The following KCNH1 variants were observed in gnomAD, a reference collection of about 807,000 sequenced individuals.
KCNH1 encodes the protein potassium voltage-gated channel subfamily H member 1, also known as voltage-gated delayed rectifier potassium channel KCNH1.
A neutral mutation model predicts 69.2 loss-of-function variants in KCNH1; 27 were observed. That is an observed-to-expected ratio of 0.39 (90% CI 0.29 to 0.54). The LOEUF (loss-of-function observed/expected upper bound fraction) is 0.54, where lower values mean the gene tolerates loss of function less well. Among genes scored for constraint, KCNH1 ranks in the 20% least tolerant of loss-of-function variants. The pLI is 0.68. For synonymous variants in KCNH1, 456 were observed against 487.7 expected, an observed-to-expected ratio of 0.93 and a Z score of 0.86; for missense variants, 798 against 1,261.6, an observed-to-expected ratio of 0.63 and a Z score of 5.57.
intron 7 of KCNH1, among the ~76,000 whole-genome samples, chr1:210,818,343 A>G (rs1156545961): frequency 1.3e-5 from 2 of 152,160 alleles, no homozygotes; most frequent in Non-Finnish European, 2.9e-5. Context: ...ATTCACAAAG[A>G]TTTTAATCAG....
intron 10 of KCNH1, among the ~76,000 whole-genome samples, chr1:210,690,176 CTTTAACTCTTTCTTTCTTAG>C (rs1325705562): frequency 1.3e-5 from 2 of 152,194 alleles, no homozygotes; most frequent in African/African-American, 4.8e-5. Flanking sequence ...CTGCAACCAC[CTTTAACTCTTTCTTTCTTAG>C]ATCTGACAAA....
chr1:211,084,129 G>T (rs1278706568), intron 4 of KCNH1, among the ~76,000 whole-genome samples: 1 of 152,146 alleles, frequency 6.6e-6, no homozygotes, highest in Non-Finnish European at 1.5e-5. Flanking sequence ...TCACTGTGGG[G>T]GGGTCCCATT....
chr1:210,863,068 C>T (rs1310804661), intron 7 of KCNH1, among the ~76,000 whole-genome samples: 1 of 152,210 alleles, frequency 6.6e-6, no homozygotes, highest in African/African-American at 2.4e-5. Context: ...AGCCGCATCA[C>T]TTATCCCCTA....
At chr1:210,888,444 C>A (rs992961159) in intron 7 of KCNH1, among the ~76,000 whole-genome samples, 3 of 152,156 alleles carry the variant, frequency 2.0e-5, no homozygotes, top group African/African-American at 7.2e-5. Flanking sequence ...TAAACGCCCA[C>A]AGGAGAAAGC....
intron 10 of KCNH1, among the ~76,000 whole-genome samples, chr1:210,718,097 A>G (rs1390285163): frequency 6.6e-6 from 1 of 151,358 alleles, no homozygotes; most frequent in East Asian, 1.9e-4. Context: ...ACAGAGCAAG[A>G]CTCCATCTCA....
intron 7 of KCNH1, among the ~76,000 whole-genome samples, chr1:210,835,747 A>G (rs1244107658): frequency 2.0e-5 from 3 of 152,146 alleles, no homozygotes; most frequent in Non-Finnish European, 4.4e-5. Flanking sequence ...ATTTATTTAG[A>G]GGTAGGGATA....
intron 7 of KCNH1, among the ~76,000 whole-genome samples, chr1:210,896,141 C>T (rs1017160206): frequency 6.6e-6 from 1 of 152,064 alleles, no homozygotes; most frequent in Admixed American, 6.5e-5. Context: ...GGTATAGGAC[C>T]ATGCTCCCCC....
intron 1 of KCNH1, among the ~76,000 whole-genome samples, chr1:211,125,326 C>T (rs1319587512): frequency 6.6e-6 from 1 of 152,144 alleles, no homozygotes; most frequent in Non-Finnish European, 1.5e-5. Context: ...GGGAGGCAAA[C>T]AGAAACTATT....
intron 6 of KCNH1, among the ~76,000 whole-genome samples, chr1:211,007,243 G>C (rs1228401710): frequency 6.6e-6 from 1 of 152,158 alleles, no homozygotes; most frequent in East Asian, 1.9e-4. Flanking sequence ...GCTAAATATT[G>C]AATGATAACG....
At chr1:210,695,317 CATT>C (rs1337003561) in intron 10 of KCNH1, among the ~76,000 whole-genome samples, 2 of 152,178 alleles carry the variant, frequency 1.3e-5, no homozygotes, top group Non-Finnish European at 2.9e-5. Context: ...CTTGTGAGAG[CATT>C]ATTCCCAGTT....
chr1:210,735,277 C>A, intron 10 of KCNH1, among the ~76,000 whole-genome samples: 1 of 152,192 alleles, frequency 6.6e-6, no homozygotes, highest in African/African-American at 2.4e-5. Flanking sequence ...CATCACCTTT[C>A]TTCTTCTACT....
At chr1:210,982,121 T>G (rs907577667) in intron 6 of KCNH1, among the ~76,000 whole-genome samples, 2 of 152,070 alleles carry the variant, frequency 1.3e-5, no homozygotes, top group African/African-American at 4.8e-5. Flanking sequence ...AGTCAATTGC[T>G]CCTGACTCTT....
intron 10 of KCNH1, among the ~76,000 whole-genome samples, chr1:210,689,433 G>C (rs1377410722): frequency 6.6e-6 from 1 of 152,196 alleles, no homozygotes; most frequent in Non-Finnish European, 1.5e-5. Context: ...GAATGGACTT[G>C]CTGGTGTCCT....
chr1:210,834,080 G>T (rs894913392), intron 7 of KCNH1, among the ~76,000 whole-genome samples: 107 of 152,268 alleles, frequency 7.0e-4, no homozygotes, highest in African/African-American at 1.2e-3. Flanking sequence ...CTTTTACACT[G>T]TTGGTGGGAC....
chr1:210,780,220 G>A (rs1283029236), intron 9 of KCNH1, among the ~76,000 whole-genome samples: 1 of 152,188 alleles, frequency 6.6e-6, no homozygotes, highest in Non-Finnish European at 1.5e-5. Flanking sequence ...AGAAGGTGCT[G>A]TTTATTCAAA....
In KCNH1 at chr1:210,919,773, A is replaced by T. The variant is rs1422111182; in HGVS notation, c.1329T>A (p.Gly443=). ...AGATGTAGACAGAATTCTTGCTGGG[A>T]CCACCTTCCCACTTCCCTGAGCCAG... is the stretch of plus-strand genomic sequence containing the variant. The part of the protein sequence containing the change: ...NGSGSGKWEG[G]PSKNSVYISS... The change falls in exon 7 of 11, where the codon GGT becomes GGA. Residue 443 remains glycine (G), a synonymous_variant. Coordinates refer to ENST00000271751, the MANE Select transcript of KCNH1 (RefSeq NM_172362.3). The surrounding 1 kb of genome is among the most constrained non-coding windows in gnomAD (Gnocchi z 4.2). 1 of 1,614,206 alleles carries T rather than the reference A, an allele frequency of 6.2e-7. No homozygotes were observed. The highest frequency in any genetic ancestry group is 1.6e-4 in the Middle Eastern group (1 of 6,062).
In KCNH1 at chr1:210,718,501, TAAA is replaced by T. The variant is rs1388112057; in HGVS notation, c.2113-34366_2113-34364del. Among the ~76,000 whole-genome samples the T allele has an allele frequency of 4.2e-5, 2 of 47,924 alleles. 1 individual carries two copies. The highest frequency in any genetic ancestry group is 2.3e-4 in the African/African-American group (2 of 8,528). 31.4% of individuals were successfully genotyped at this position (47,924 alleles called of 152,430 possible). A position where few individuals can be genotyped will look rare whatever the true frequency, so the allele number is the denominator to read the frequency against. On this transcript the variant is annotated intron_variant, in intron 10 of 10. Transcript: ENST00000271751. Reference sequence around the variant, plus strand: ...AAATATATACATATATGTATATATATAAAATATATACATATATGTATATATATA... The same window carrying T: ...AAATATATACATATATGTATATATATATATATACATATATGTATATATATA...
Position 210,861,381 on chromosome 1 carries a change from C to A in KCNH1, c.1463-57215G>T, listed in dbSNP as rs1295685672. Reference sequence around the variant, plus strand: ...AACACTTTCAATAAAACTTGCTGGACACCAACAACAAATTCCTTCAGAAAT... The same window carrying A: ...AACACTTTCAATAAAACTTGCTGGAAACCAACAACAAATTCCTTCAGAAAT... On this transcript the variant is annotated intron_variant, in intron 7 of 10. Transcript: ENST00000271751. 3 of 778,356 alleles carry A rather than the reference C, an allele frequency of 3.9e-6. No individual in the cohort carries two copies. In the Admixed American group the frequency reaches 5.1e-5, roughly 13 times the overall value. The allele number at this position is 778,356 out of a possible 1,614,324, so 48.2% of individuals were successfully genotyped here. A position where few individuals can be genotyped will look rare whatever the true frequency, so the allele number is the denominator to read the frequency against.
At chr1:210,829,515 A>T (rs1427868248) in intron 7 of KCNH1, among the ~76,000 whole-genome samples, 1 of 152,098 alleles carries the variant, frequency 6.6e-6, no homozygotes, top group Non-Finnish European at 1.5e-5. Flanking sequence ...ACTCAGAATG[A>T]AAGCCAAAGT....
Sources: allele counts gnomAD v4.1 joint callset (sites outside exome capture counted in the v4.1 genomes callset), GRCh38; gene constraint gnomAD v4.1.1; non-coding constraint Gnocchi (gnomAD v3.1); transcripts MANE v1.5; gene names NCBI Gene and HGNC (gene_info 2026-07-23, HGNC 2026-07-21).